ELF1: variants seen among roughly 807,000 people sequenced by gnomAD.
ELF1 encodes the protein E74 like ETS transcription factor 1.
Under a neutral mutation model 59.9 loss-of-function variants are expected in ELF1, and 24 were observed. The observed-to-expected ratio is 0.40, with a 90% confidence interval of 0.29 to 0.56. The LOEUF (loss-of-function observed/expected upper bound fraction) is 0.56. ELF1 is among the 20% of genes least tolerant of loss of function. The pLI is 0.44. For missense variants in ELF1, 627 were observed against 742.2 expected (o/e 0.84, Z 1.80); for synonymous variants, 248 against 266.2 (o/e 0.93, Z 0.67).
At chr13:40,969,878 A>ATT (rs5803075) in intron 2 of ELF1, among the ~76,000 whole-genome samples, 3 of 151,872 alleles carry the variant, frequency 2.0e-5, no homozygotes, top group African/African-American at 7.3e-5. Flanking sequence ...TAATTTTTAA[A>ATT]TTTTTTGTAG....
intron 1 of ELF1, among the ~76,000 whole-genome samples, chr13:41,025,963 T>A (rs935310021): frequency 6.6e-6 from 1 of 152,214 alleles, no homozygotes; most frequent in Non-Finnish European, 1.5e-5. Flanking sequence ...TCCTTTCAAA[T>A]GGCAAGGCCA....
chr13:40,970,996 T>G (rs1382946489), intron 2 of ELF1, among the ~76,000 whole-genome samples: 3 of 152,072 alleles, frequency 2.0e-5, no homozygotes. Context: ...CCCACAACAC[T>G]AGGCTATATA....
At chr13:40,951,542 A>G (rs1409573862) in intron 3 of ELF1, 106 bp from the exon 4 acceptor site, 1 of 723,974 alleles carries the variant, frequency 1.4e-6, no homozygotes, top group East Asian at 2.9e-5. Context: ...TTAATATTTT[A>G]GTTTATATAT....
intron 1 of ELF1, among the ~76,000 whole-genome samples, chr13:41,056,215 T>C (rs1877282213): frequency 6.6e-6 from 1 of 152,184 alleles, no homozygotes; most frequent in Admixed American, 6.5e-5. Context: ...TTTCCCTCTT[T>C]CTCTATAGAT....
At chr13:41,031,162 A>C (rs1876145841) in intron 1 of ELF1, among the ~76,000 whole-genome samples, 1 of 151,686 alleles carries the variant, frequency 6.6e-6, no homozygotes, top group African/African-American at 2.4e-5. Flanking sequence ...CTATTAAAAA[A>C]AAAAAAAAGA....
At chr13:41,002,584 TA>T (rs749504259) in intron 1 of ELF1, among the ~76,000 whole-genome samples, 2,238 of 117,008 alleles carry the variant, frequency 0.019, 55 homozygotes, top group African/African-American at 0.057. Context: ...GACCTTACCT[TA>T]AAAAAAAAAA....
In ELF1 at chr13:41,038,254, T is replaced by C. The variant is rs968394279; in HGVS notation, c.-229+22584A>G. Among the ~76,000 whole-genome samples the C allele has an allele frequency of 2.2e-4, 34 of 152,048 alleles. No individual in the cohort carries two copies. The South Asian group carries it at 5.2e-3, about 23-fold the overall frequency. ...TCTGTAATCCCAGCACTTTGGGCAG[T>C]GATGATAATAAAAATGGTATCAGGC... is the stretch of plus-strand genomic sequence containing the variant. On this transcript the variant is annotated intron_variant, in intron 1 of 1. Transcript: ENST00000405737.
intron 2 of ELF1, among the ~76,000 whole-genome samples, chr13:40,978,247 G>A (rs1873038475): frequency 6.6e-6 from 1 of 151,952 alleles, no homozygotes; most frequent in Admixed American, 6.6e-5. Context: ...GCGTGGTGGT[G>A]CGTGTCTGTA....
intron 1 of ELF1, among the ~76,000 whole-genome samples, chr13:41,055,198 G>C (rs1005474258): frequency 6.6e-6 from 1 of 152,048 alleles, no homozygotes. Context: ...TTCTTCCTAA[G>C]TATGAGCCAT....
At chr13:40,949,509 G>A (rs1219532578) in intron 5 of ELF1, among the ~76,000 whole-genome samples, 1 of 151,404 alleles carries the variant, frequency 6.6e-6, no homozygotes, top group South Asian at 2.1e-4. Context: ...GGTGCCTACC[G>A]TGCCCAGCTA....
rs936304799 is a variant in ELF1, at chr13:40,933,399, A to G, written c.*26T>C. 6.3e-7 allele frequency: 1 copy of G among 1,584,938 alleles called. No homozygotes were observed. Among genetic ancestry groups the G allele is most frequent in the South Asian group, 1.2e-5 (1 of 86,352 alleles). On this transcript the variant is annotated 3_prime_UTR_variant, in exon 9 of 9. Coordinates refer to ENST00000239882, the MANE Select transcript of ELF1 (RefSeq NM_172373.4). ...ATTGAAAATGTTCAATTAACAAACA[A>G]TTATTCATAAGCTTTGGTATATTAA...
At chr13:40,951,266 T>G in intron 4 of ELF1, 63 bp downstream of exon 4, 1 of 1,293,440 alleles carries the variant, frequency 7.7e-7, no homozygotes, top group Non-Finnish European at 1.1e-6. Context: ...ATTTTACTAA[T>G]AAAGAAAGAT....
intron 1 of ELF1, among the ~76,000 whole-genome samples, chr13:40,994,023 C>T (rs1874012046): frequency 6.6e-6 from 1 of 150,932 alleles, no homozygotes; most frequent in Admixed American, 6.6e-5. Context: ...AAAAAAAAAT[C>T]AATATGATCA....
At chr13:41,026,182 TA>T (rs1875897610) in intron 1 of ELF1, among the ~76,000 whole-genome samples, 1 of 152,182 alleles carries the variant, frequency 6.6e-6, no homozygotes, top group Non-Finnish European at 1.5e-5. Flanking sequence ...TAAATCTGAC[TA>T]AAATTCAAGG....
intron 1 of ELF1, among the ~76,000 whole-genome samples, chr13:41,032,211 A>T (rs1876193484): frequency 6.7e-6 from 1 of 150,256 alleles, no homozygotes; most frequent in Non-Finnish European, 1.5e-5. Flanking sequence ...TTTAATATTT[A>T]TTTATTTACT....
chr13:40,993,361 G>T, intron 1 of ELF1: 1 of 1,136,712 alleles, frequency 8.8e-7, no homozygotes, highest in Non-Finnish European at 1.3e-6. Flanking sequence ...TTAGCCAGTT[G>T]CCTGCAGGTG....
intron 1 of ELF1, among the ~76,000 whole-genome samples, chr13:40,997,212 G>A (rs1266079104): frequency 6.6e-6 from 1 of 152,006 alleles, no homozygotes; most frequent in East Asian, 1.9e-4. Context: ...AACCCTGAAT[G>A]ATCTGTTTTC....
intron 1 of ELF1, among the ~76,000 whole-genome samples, chr13:41,040,948 A>G (rs1876581339): frequency 1.3e-5 from 2 of 152,228 alleles, no homozygotes; most frequent in African/African-American, 4.8e-5. Flanking sequence ...CCCCATTTGA[A>G]GGAAATCAAC....
intron 1 of ELF1, among the ~76,000 whole-genome samples, chr13:40,985,023 T>C (rs1873482619): frequency 6.6e-6 from 1 of 152,160 alleles, no homozygotes; most frequent in Non-Finnish European, 1.5e-5. Context: ...CTCCCCACAA[T>C]CACTAAGCCA....
Sources: allele counts gnomAD v4.1 joint callset (sites outside exome capture counted in the v4.1 genomes callset), GRCh38; gene constraint gnomAD v4.1.1; transcripts MANE v1.5; gene names NCBI Gene and HGNC (gene_info 2026-07-23, HGNC 2026-07-21).